The following PSD3 variants were observed in gnomAD, a reference collection of about 807,000 sequenced individuals.
PSD3 encodes the protein pleckstrin and Sec7 domain containing 3.
A neutral mutation model predicts 105.5 loss-of-function variants in PSD3; 49 were observed. The ratio of observed to expected loss-of-function variants is 0.46; its 90% CI spans 0.37 to 0.59. The LOEUF (loss-of-function observed/expected upper bound fraction) is 0.59. Among genes scored for constraint, PSD3 ranks in the 20% least tolerant of loss-of-function variants. PSD3 has a pLI of 0.00. For synonymous variants in PSD3, 557 were observed against 457.8 expected (o/e 1.22, Z -2.77); for missense variants, 1,561 against 1,263.8 (o/e 1.24, Z -3.57).
At chr8:18,556,184 TTAC>T in intron 15 of PSD3, 22 bp downstream of exon 15, 1 of 1,610,650 alleles carries the variant, frequency 6.2e-7, no homozygotes, top group Non-Finnish European at 8.5e-7. Flanking sequence ...AAATCAGCAT[TTAC>T]TAACATTTGG....
At chr8:18,605,795 C>T (rs563950728) in intron 11 of PSD3, among the ~76,000 whole-genome samples, 2 of 152,224 alleles carry the variant, frequency 1.3e-5, no homozygotes, top group African/African-American at 4.8e-5. Flanking sequence ...TGAATGAGTG[C>T]TCATGAGATC....
intron 12 of PSD3, among the ~76,000 whole-genome samples, chr8:18,596,497 AG>A (rs1804106060): frequency 6.6e-6 from 1 of 152,032 alleles, no homozygotes; most frequent in Non-Finnish European, 1.5e-5. Context: ...ATCAAAGATT[AG>A]AGCAGAAATA....
chr8:18,594,167 C>A lies in PSD3; in HGVS notation c.2481+6197G>T, dbSNP rs190414065. ...ATTATATAATATATATTATTATATA[C>A]ATATTATATAATATATATTATTATA... On this transcript the variant is annotated intron_variant, in intron 12 of 15. Coordinates refer to ENST00000327040, the MANE Select transcript of PSD3 (RefSeq NM_015310.4). 1.6e-3 allele frequency among the ~76,000 whole-genome samples: 38 copies of A among 23,682 alleles called. 1 individual carries two copies. Among genetic ancestry groups the A allele is most frequent in the African/African-American group, 4.6e-3 (36 of 7,754 alleles). 15.5% of individuals were successfully genotyped at this position (23,682 alleles called of 152,430 possible).
At chr8:18,550,899 T>C (rs929876096) in intron 15 of PSD3, among the ~76,000 whole-genome samples, 1 of 152,228 alleles carries the variant, frequency 6.6e-6, no homozygotes, top group African/African-American at 2.4e-5. Flanking sequence ...GTAAAGGAGA[T>C]AGCATTTGAT....
At chr8:18,841,467 A>AACACACAC (rs35771611) in intron 4 of PSD3, among the ~76,000 whole-genome samples, 4,297 of 148,196 alleles carry the variant, frequency 0.029, 104 homozygotes, top group African/African-American at 0.061. Flanking sequence ...CTGCTATTTA[A>AACACACAC]ACACACACAC....
In PSD3 at chr8:18,921,661, T is replaced by C. The variant is rs140367552; in HGVS notation, c.130+14373A>G. Among the ~76,000 whole-genome samples, 1,052 of 152,318 alleles carry C rather than the reference T, an allele frequency of 6.9e-3. 17 individuals are homozygous for C. Among genetic ancestry groups the C allele is most frequent in the African/African-American group, 0.024 (991 of 41,562 alleles). On this transcript the variant is annotated intron_variant, in intron 2 of 15. Transcript: ENST00000327040. Reference sequence around the variant, plus strand: ...CTGCATTGGCTTCATAGAAAATCCATCTCTGGATGCTACTTGGGGTTGCAA... The same window carrying C: ...CTGCATTGGCTTCATAGAAAATCCACCTCTGGATGCTACTTGGGGTTGCAA...
In PSD3 at chr8:18,600,441, A is replaced by C; in HGVS notation, c.2411-7T>G. 6.3e-7 allele frequency: 1 copy of C among 1,590,704 alleles called. No individual in the cohort carries two copies. The highest frequency in any genetic ancestry group is 8.6e-7 in the Non-Finnish European group (1 of 1,168,564). ...CCTCGTTTTCCTCTTGGAGCTAGAA[A>C]GGGGGAAAAAATGTAAAATTTTATT... On this transcript the variant is annotated splice_region_variant and splice_polypyrimidine_tract_variant and intron_variant, in intron 11 of 15. Coordinates refer to ENST00000327040, the MANE Select transcript of PSD3 (RefSeq NM_015310.4).
intron 9 of PSD3, among the ~76,000 whole-genome samples, chr8:18,685,129 C>G (rs1800595509): frequency 6.6e-6 from 1 of 152,192 alleles, no homozygotes; most frequent in Non-Finnish European, 1.5e-5. Context: ...CCATCCCACC[C>G]CTCAGATTTA....
chr8:19,000,688 G>C (rs1428207785), intron 1 of PSD3: 12 of 151,898 alleles, frequency 7.9e-5, no homozygotes, highest in African/African-American at 2.9e-4. Context: ...TCCAAAACAG[G>C]AGATGAAGCC....
In PSD3 at chr8:18,739,260, T is replaced by C. The variant is rs188171162; in HGVS notation, c.2172+26189A>G. On this transcript the variant is annotated intron_variant, in intron 9 of 15. Coordinates refer to ENST00000327040, the MANE Select transcript of PSD3 (RefSeq NM_015310.4). Reference sequence around the variant, plus strand: ...ATTCCCCCACAAAAATATAGAACTGTAGGCAATAAACAGATCTTTGTGGAA... The same window carrying C: ...ATTCCCCCACAAAAATATAGAACTGCAGGCAATAAACAGATCTTTGTGGAA... Among the ~76,000 whole-genome samples, 79 of 152,260 alleles carry C rather than the reference T, an allele frequency of 5.2e-4. 1 individual carries two copies. Among genetic ancestry groups the C allele is most frequent in the Non-Finnish European group, 8.4e-4 (57 of 68,004 alleles).
intron 10 of PSD3, among the ~76,000 whole-genome samples, chr8:18,640,552 T>A (rs777843271): frequency 9.2e-5 from 14 of 152,182 alleles, no homozygotes; most frequent in Non-Finnish European, 1.8e-4. Context: ...TTCTTCTCCT[T>A]CCTGCCACCA....
chr8:18,614,754 G>A (rs1805532200), intron 11 of PSD3, among the ~76,000 whole-genome samples: 1 of 151,826 alleles, frequency 6.6e-6, no homozygotes, highest in South Asian at 2.1e-4. Flanking sequence ...TCAGCTTCCT[G>A]AGAAGCTGGG....
intron 9 of PSD3, among the ~76,000 whole-genome samples, chr8:18,699,349 T>C (rs17127061): frequency 0.12 from 18,339 of 152,228 alleles, 2,975 homozygotes; most frequent in African/African-American, 0.37. Flanking sequence ...TTGACAACCA[T>C]GTAAACAAGA....
intron 4 of PSD3, among the ~76,000 whole-genome samples, chr8:18,858,637 G>A (rs1285712208): frequency 2.0e-5 from 3 of 151,766 alleles, no homozygotes; most frequent in Non-Finnish European, 4.4e-5. Flanking sequence ...CAAATCCTTT[G>A]TAGTCATCTC....
At chr8:18,853,716 C>T (rs1308739460) in intron 4 of PSD3, among the ~76,000 whole-genome samples, 3 of 152,138 alleles carry the variant, frequency 2.0e-5, no homozygotes, top group Admixed American at 6.5e-5. Context: ...GTAGTCATTA[C>T]GGACCCCACT....
chr8:19,053,812 T>A (rs1828611823), intron 1 of PSD3, among the ~76,000 whole-genome samples: 1 of 152,230 alleles, frequency 6.6e-6, no homozygotes, highest in Non-Finnish European at 1.5e-5. Context: ...TTTTGTTCAC[T>A]GCAGTATTCT....
At chr8:18,746,493 C>T (rs546710589) in intron 9 of PSD3, among the ~76,000 whole-genome samples, 136 of 152,136 alleles carry the variant, frequency 8.9e-4, no homozygotes, top group Non-Finnish European at 1.6e-3. Context: ...GGCACACCAG[C>T]GTGGCCAAGG....
intron 9 of PSD3, chr8:18,730,163 T>C (rs1803633455): frequency 6.6e-6 from 1 of 152,202 alleles, no homozygotes; most frequent in Non-Finnish European, 1.5e-5. Context: ...TGAGATATTT[T>C]GACTATGAAA....
At chr8:18,560,526 T>C (rs1252198912) in intron 14 of PSD3, among the ~76,000 whole-genome samples, 1 of 152,070 alleles carries the variant, frequency 6.6e-6, no homozygotes. Flanking sequence ...ACTCATAAAA[T>C]TGTTTTAAGT....
Sources: gnomAD v4.1 joint callset for allele counts (sites outside exome capture counted in the v4.1 genomes callset) on GRCh38, gnomAD v4.1.1 for gene constraint, MANE v1.5 for transcripts, NCBI Gene and HGNC (gene_info 2026-07-23, HGNC 2026-07-21) for gene names.